Variants in MFHAS1 observed in about 807,000 individuals in gnomAD.
The protein encoded by MFHAS1 is multifunctional ROCO family signaling regulator 1.
Under a neutral mutation model 70.4 loss-of-function variants are expected in MFHAS1, and 50 were observed. The observed-to-expected ratio is 0.71, with a 90% CI of 0.57 to 0.90. The LOEUF is 0.90. Among genes scored for constraint, MFHAS1 ranks in the 40% least tolerant of loss-of-function variants. The pLI, the probability that MFHAS1 is intolerant of heterozygous loss-of-function variation, is 0.00. For synonymous variants in MFHAS1, 952 were observed against 620.0 expected (o/e 1.54, Z -7.96); for missense variants, 1,795 against 1,347.6 (o/e 1.33, Z -5.20).
At chr8:8,846,294 GATAAGA>G (rs1808033178) in intron 1 of MFHAS1, among the ~76,000 whole-genome samples, 1 of 106,734 alleles carries the variant, frequency 9.4e-6, no homozygotes, top group African/African-American at 4.0e-5. Flanking sequence ...GGGGGAGGAG[GATAAGA>G]AGGAGGAGGG....
chr8:8,812,923 C>A (rs959124859), intron 1 of MFHAS1, among the ~76,000 whole-genome samples: 2 of 152,132 alleles, frequency 1.3e-5, no homozygotes, highest in African/African-American at 4.8e-5. Context: ...TGCACCACCA[C>A]GCCCAACTAA....
At position 8,890,163 on chromosome 8, in the gene MFHAS1, G is replaced by A; in HGVS notation, c.2896C>T (p.Leu966=). The A allele has an allele frequency of 6.2e-7, 1 of 1,614,204 alleles. No individual in the cohort carries two copies. The change falls in exon 1 of 3, where the codon CTG becomes TTG. Residue 966 remains leucine, a synonymous_variant. Transcript: ENST00000276282. ...GGCCATTCCTGAAGTAGGACATTCA[G>A]TTCCTCCACCAAGGGGGTTATGGCT... ...WQAITPLVEE[L]NVLLQEWPGL... is the part of the protein sequence containing the mutation.
At position 8,890,344 on chromosome 8, in the gene MFHAS1, A is replaced by G. The variant is rs373433709; in HGVS notation, c.2715T>C (p.His905=). The G allele has an allele frequency of 2.9e-5, 47 of 1,614,100 alleles. No individual in the cohort carries two copies. Among genetic ancestry groups the G allele is most frequent in the Non-Finnish European group, 3.8e-5 (45 of 1,180,060 alleles). The change falls in exon 1 of 3, where the codon CAT becomes CAC. Residue 905 remains histidine (H), a synonymous_variant. Transcript: ENST00000276282. ...ATTTACCATCCGACCTGTGCACCAC[A>G]TGGCTGTTGATCTGGACACTGTAGC... is the stretch of plus-strand genomic sequence containing the variant. ...FARYSVQINS[H]VVHRSDGKFQ... is the part of the protein sequence containing the mutation.
intron 1 of MFHAS1, among the ~76,000 whole-genome samples, chr8:8,828,827 T>C (rs1319527324): frequency 6.6e-6 from 1 of 152,160 alleles, no homozygotes; most frequent in Admixed American, 6.5e-5. Flanking sequence ...GGGACAGGAT[T>C]TGCTGCTTTA....
At chr8:8,794,474 T>C (rs1425615188) in intron 2 of MFHAS1, among the ~76,000 whole-genome samples, 2 of 152,204 alleles carry the variant, frequency 1.3e-5, no homozygotes, top group Non-Finnish European at 2.9e-5. Context: ...TTTGTCCATG[T>C]GTTCATGGAT....
intron 1 of MFHAS1, among the ~76,000 whole-genome samples, chr8:8,865,276 C>CAAAA (rs35910015): frequency 2.5e-3 from 159 of 64,680 alleles, no homozygotes; most frequent in East Asian, 6.0e-3. Flanking sequence ...GACTCCATCT[C>CAAAA]AAAAAAAAAA....
At chr8:8,800,525 G>C (rs1454507697) in intron 1 of MFHAS1, among the ~76,000 whole-genome samples, 1 of 152,192 alleles carries the variant, frequency 6.6e-6, no homozygotes, top group Non-Finnish European at 1.5e-5. Flanking sequence ...ACAGAGAGCT[G>C]CAGGTCTGTA....
chr8:8,806,463 A>T (rs1026238020), intron 1 of MFHAS1, among the ~76,000 whole-genome samples: 8 of 152,244 alleles, frequency 5.3e-5, no homozygotes. Context: ...TGAGTCACCT[A>T]CTAAGAAGGG....
At position 8,893,373 on chromosome 8, in the gene MFHAS1, C is replaced by T. The variant is rs900068458; in HGVS notation, c.-315G>A. On this transcript the variant is annotated 5_prime_UTR_variant, in exon 1 of 3. Coordinates refer to ENST00000276282, the MANE Select transcript of MFHAS1 (RefSeq NM_004225.3). ...CCTGCTCCTCCTCCCTCTCCGCCCGCCGCGCGGCGCCTCGGGGGGCCCGGC... is the reference window on the plus strand; with the variant it reads ...CCTGCTCCTCCTCCCTCTCCGCCCGTCGCGCGGCGCCTCGGGGGGCCCGGC... 3.4e-5 allele frequency: 5 copies of T among 146,208 alleles called. No homozygotes were observed. Among genetic ancestry groups the T allele is most frequent in the Non-Finnish European group, 7.6e-5 (5 of 65,746 alleles). 9.1% of individuals were successfully genotyped at this position (146,208 alleles called of 1,614,324 possible). A position where few individuals can be genotyped will look rare whatever the true frequency, so the allele number is the denominator to read the frequency against.
chr8:8,804,640 GCTTCTTCCA>G (rs1263738557), intron 1 of MFHAS1, among the ~76,000 whole-genome samples: 2 of 152,174 alleles, frequency 1.3e-5, no homozygotes, highest in Non-Finnish European at 2.9e-5. Context: ...TCAGCACTTG[GCTTCTTCCA>G]CTTCTTCCAA....
At chr8:8,877,324 C>T (rs1023462969) in intron 1 of MFHAS1, among the ~76,000 whole-genome samples, 2 of 57,092 alleles carry the variant, frequency 3.5e-5, no homozygotes, top group South Asian at 7.4e-4. Context: ...AAAAAAACTA[C>T]GGTGTTCCAT....
At chr8:8,864,622 T>A (rs893110157) in intron 1 of MFHAS1, among the ~76,000 whole-genome samples, 5 of 152,292 alleles carry the variant, frequency 3.3e-5, no homozygotes, top group African/African-American at 1.2e-4. Context: ...ACAATGAGCA[T>A]AAAATTAGCT....
chr8:8,855,341 G>A (rs1260803308), intron 1 of MFHAS1, among the ~76,000 whole-genome samples: 1 of 152,214 alleles, frequency 6.6e-6, no homozygotes, highest in East Asian at 1.9e-4. Context: ...TACCACAGGA[G>A]CTCATTGTCT....
rs528343411 is a variant in MFHAS1, at chr8:8,849,284, T to C, written c.2998+40777A>G. Among the ~76,000 whole-genome samples, 4 of 152,202 alleles carry C rather than the reference T, an allele frequency of 2.6e-5. No homozygotes were observed. The East Asian group carries it at 5.8e-4, about 22-fold the overall frequency. On this transcript the variant is annotated intron_variant, in intron 1 of 2. Transcript: ENST00000276282. ...TTAATAGAGACAGGGTTTTGCCATG[T>C]TGTTCAGGCTGCTCTTGAACTCCTG...
intron 1 of MFHAS1, among the ~76,000 whole-genome samples, chr8:8,841,999 C>T (rs866214827): frequency 2.0e-5 from 3 of 152,162 alleles, no homozygotes; most frequent in South Asian, 2.1e-4. Flanking sequence ...TAATCAGAGC[C>T]GGTGTTTCTC....
intron 2 of MFHAS1, among the ~76,000 whole-genome samples, chr8:8,791,925 C>T (rs993553045): frequency 2.0e-5 from 3 of 152,154 alleles, no homozygotes; most frequent in African/African-American, 4.8e-5. Context: ...CCAAGGATAA[C>T]GTGTTTATGA....
At chr8:8,831,777 T>C (rs921375608) in intron 1 of MFHAS1, among the ~76,000 whole-genome samples, 7 of 152,056 alleles carry the variant, frequency 4.6e-5, no homozygotes, top group African/African-American at 1.7e-4. Flanking sequence ...CCCATCTAAC[T>C]TTTATATTTT....
chr8:8,878,238 T>C (rs757957395), intron 1 of MFHAS1, among the ~76,000 whole-genome samples: 2 of 152,138 alleles, frequency 1.3e-5, no homozygotes, highest in Non-Finnish European at 2.9e-5. Context: ...TGGAAATCAA[T>C]GGCAACCTAA....
chr8:8,862,996 G>A (rs552555291), intron 1 of MFHAS1, among the ~76,000 whole-genome samples: 2 of 152,180 alleles, frequency 1.3e-5, no homozygotes, highest in East Asian at 1.9e-4. Flanking sequence ...CATTTAGATC[G>A]ATTACCCATT....
Sources: gnomAD v4.1 joint callset for allele counts (sites outside exome capture counted in the v4.1 genomes callset) on GRCh38, gnomAD v4.1.1 for gene constraint, MANE v1.5 for transcripts, NCBI Gene and HGNC (gene_info 2026-07-23, HGNC 2026-07-21) for gene names.